The following LAMA5 variants were observed in gnomAD, a reference collection of about 807,000 sequenced individuals.
LAMA5 encodes laminin subunit alpha-5.
Under a neutral mutation model 433.4 loss-of-function variants are expected in LAMA5, and 260 were observed. The ratio of observed to expected loss-of-function variants is 0.60; its 90% confidence interval spans 0.54 to 0.66. LAMA5 has a LOEUF of 0.66. Among genes scored for constraint, LAMA5 ranks in the 30% least tolerant of loss-of-function variants. LAMA5 has a pLI of 0.00. For synonymous variants in LAMA5, 2,620 were observed against 2,226.6 expected, an observed-to-expected ratio of 1.18 and a Z score of -4.97; for missense variants, 5,378 against 5,258.5, an observed-to-expected ratio of 1.02 and a Z score of -0.70.
intron 28 of LAMA5, among the ~76,000 whole-genome samples, chr20:62,331,978 G>A (rs1050656097): frequency 9.9e-5 from 15 of 152,180 alleles, no homozygotes; most frequent in African/African-American, 3.6e-4. Flanking sequence ...CTTGAACCCA[G>A]GAGGTGGAGG....
chr20:62,325,140 C>CG (rs1320607226), intron 41 of LAMA5, 176 bp downstream of exon 41: 38 of 571,658 alleles, frequency 6.6e-5, no homozygotes, highest in Admixed American at 1.3e-4. Flanking sequence ...AGACAGGCAG[C>CG]AGGGGACAGG....
At chr20:62,353,726 C>T (rs540105982) in intron 2 of LAMA5, among the ~76,000 whole-genome samples, 1 of 152,146 alleles carries the variant, frequency 6.6e-6, no homozygotes, top group Admixed American at 6.5e-5. Context: ...TCCAAAGGTC[C>T]AACCCCCTAG....
chr20:62,324,420 G>A lies in LAMA5; in HGVS notation c.5643+21C>T. 1 of 1,577,210 alleles carries A rather than the reference G, an allele frequency of 6.3e-7. No homozygotes were observed. Among genetic ancestry groups the A allele is most frequent in the Non-Finnish European group, 8.7e-7 (1 of 1,150,974 alleles). On this transcript the variant is annotated intron_variant, in intron 42 of 79. Transcript: ENST00000252999. The surrounding 1 kb of genome is among the most constrained non-coding windows in gnomAD (Gnocchi z 4.4). ...GCCTTCAGTGAATGCTGCCCCCCTG[G>A]CCCCACCAGCCCCTACTCACCACAC... is the stretch of plus-strand genomic sequence containing the variant.
intron 45 of LAMA5, among the ~76,000 whole-genome samples, chr20:62,323,034 A>T (rs967040376): frequency 3.1e-5 from 3 of 95,340 alleles, no homozygotes; most frequent in Non-Finnish European, 6.1e-5. Flanking sequence ...TCTAACCATG[A>T]GGGGGGACTG....
chr20:62,321,987 A>G (rs1443573864), intron 48 of LAMA5, 32 bp downstream of exon 48: 1 of 1,585,922 alleles, frequency 6.3e-7, no homozygotes, highest in East Asian at 2.2e-5. Context: ...CTACTCCATC[A>G]GGTGTGGGGA....
rs368150611 is a variant in LAMA5, at chr20:62,333,725, G to A, written c.2879-19C>T. ...GCTGTGCCTGGGCGGGGGCAGGGGTGAGACTCCTGAGCCCAGCCCTTGGGG... is the reference window on the plus strand; with the variant it reads ...GCTGTGCCTGGGCGGGGGCAGGGGTAAGACTCCTGAGCCCAGCCCTTGGGG... On this transcript the variant is annotated intron_variant, in intron 23 of 79. Coordinates refer to ENST00000252999, the MANE Select transcript of LAMA5 (RefSeq NM_005560.6). 15 of 1,563,966 alleles carry A rather than the reference G, an allele frequency of 9.6e-6. No homozygotes were observed. The highest frequency in any genetic ancestry group is 1.7e-4 in the Middle Eastern group (1 of 5,788).
intron 58 of LAMA5, among the ~76,000 whole-genome samples, chr20:62,315,438 G>A (rs1401564848): frequency 6.6e-6 from 1 of 151,992 alleles, no homozygotes. Context: ...GCTGGTCCCT[G>A]GACATGTGCC....
At position 62,329,858 on chromosome 20, in the gene LAMA5, A is replaced by G. The variant is rs769372649; in HGVS notation, c.4038T>C (p.Cys1346=). 4 of 1,612,422 alleles carry G rather than the reference A, an allele frequency of 2.5e-6. No individual in the cohort carries two copies. The South Asian group carries it at 3.3e-5, about 13-fold the overall frequency. ...TCACGTCCAGCAGGGCCTGGCCCTC[A>G]CACACCACCAGGGTGCGGCAGCCGT... ...HGYGCRTLVV[C]EGQALLDVTH... is the part of the protein sequence containing the mutation. The change falls in exon 32 of 80, where the codon TGT becomes TGC. Residue 1346 remains cysteine (C), a synonymous_variant. Coordinates refer to ENST00000252999, the MANE Select transcript of LAMA5 (RefSeq NM_005560.6).
At chr20:62,357,894 C>G (rs1452229999) in intron 2 of LAMA5, among the ~76,000 whole-genome samples, 1 of 152,204 alleles carries the variant, frequency 6.6e-6, no homozygotes, top group African/African-American at 2.4e-5. Flanking sequence ...AGCCCAAGCT[C>G]CAGGCTCCCT....
intron 4 of LAMA5, 61 bp from the exon 5 acceptor site, chr20:62,352,140 C>T (rs974883986): frequency 1.3e-5 from 21 of 1,587,410 alleles, no homozygotes; most frequent in East Asian, 2.3e-5. Flanking sequence ...CTGCCCCTCC[C>T]GGGCCCACCT....
At chr20:62,358,562 C>T (rs1985582169) in intron 2 of LAMA5, among the ~76,000 whole-genome samples, 1 of 152,320 alleles carries the variant, frequency 6.6e-6, no homozygotes, top group Middle Eastern at 3.4e-3. Flanking sequence ...AGCCGGCCAG[C>T]CAGAGAGCAG....
chr20:62,319,937 G>C (rs1601308748), intron 50 of LAMA5, 142 bp from the exon 51 acceptor site: 2 of 553,768 alleles, frequency 3.6e-6, no homozygotes, highest in East Asian at 2.8e-5. Flanking sequence ...CTGATGACTT[G>C]TTATTTATCA....
intron 70 of LAMA5, 32 bp from the exon 71 acceptor site, chr20:62,311,816 T>TTGCCC: frequency 1.8e-5 from 28 of 1,520,948 alleles, no homozygotes; most frequent in Middle Eastern, 2.0e-4. Context: ...GCTCGGTTTT[T>TTGCCC]CCCCACCCTG....
chr20:62,322,628 C>G, intron 46 of LAMA5, 30 bp downstream of exon 46: 1 of 1,348,496 alleles, frequency 7.4e-7, no homozygotes, highest in Non-Finnish European at 1.0e-6. Context: ...AGGCCCCACC[C>G]ACCCAGCCCT....
Position 62,336,476 on chromosome 20 carries a change from G to A in LAMA5, c.2218-31C>T, listed in dbSNP as rs144707681. 9.5e-4 allele frequency: 1,495 copies of A among 1,566,456 alleles called. 2 individuals are homozygous for A. Among genetic ancestry groups the A allele is most frequent in the East Asian group, 6.5e-3 (289 of 44,458 alleles). ...AGAGGACAAGACTGCAGGTCAGAGC[G>A]GGCGCCCTGCTCTCCCACCCACAAA... On this transcript the variant is annotated intron_variant, in intron 17 of 79. Coordinates refer to ENST00000252999, the MANE Select transcript of LAMA5 (RefSeq NM_005560.6).
At chr20:62,333,274 G>C in intron 25 of LAMA5, 31 bp from the exon 26 acceptor site, 1 of 1,576,062 alleles carries the variant, frequency 6.3e-7, no homozygotes, top group Non-Finnish European at 8.6e-7. Context: ...GTCAGCCCCA[G>C]GTCCACCCAG....
chr20:62,318,364 G>GGGAGGGGCGGGGAGGATGAGA, intron 53 of LAMA5, 90 bp downstream of exon 53: 1 of 607,550 alleles, frequency 1.6e-6, no homozygotes, highest in Non-Finnish European at 2.6e-6. Context: ...GGAGGACGAG[G>GGGAGGGGCGGGGAGGATGAGA]GGAGGGGAGG....
rs967471014 is a variant in LAMA5 at position 62,315,072 on chromosome 20, C to T, written c.8003G>A (p.Arg2668Gln). Residue 2668 changes from arginine (R) to glutamine (Q), a missense_variant, in exon 59 of 80, where the codon CGG (arginine) becomes CAG (glutamine). Physicochemically the swap from Arg to Gln is conservative, Grantham distance 43. Coordinates refer to ENST00000252999, the MANE Select transcript of LAMA5 (RefSeq NM_005560.6). ...ERWQGQYEGLRGQDLGQAVLD... is the reference protein window; with the variant it reads ...ERWQGQYEGLQGQDLGQAVLD... ...CACTGCCTGGCCCAGGTCCTGGCCC[C>T]GCAGGCCCTCGTACTGGCCCTGCCA... 4.4e-5 allele frequency: 70 copies of T among 1,601,608 alleles called. No homozygotes were observed. Among genetic ancestry groups the T allele is most frequent in the Non-Finnish European group, 5.2e-5 (61 of 1,179,232 alleles).
At position 62,316,717 on chromosome 20, in the gene LAMA5, A is replaced by G. The variant is rs372739328; in HGVS notation, c.7710T>C (p.Thr2570=). 2.5e-6 allele frequency: 4 copies of G among 1,609,598 alleles called. No homozygotes were observed. The highest frequency in any genetic ancestry group is 1.8e-4 in the Middle Eastern group (1 of 5,682). Residue 2570 remains threonine, a synonymous_variant, in exon 57 of 80, where the codon ACT becomes ACC. Coordinates refer to ENST00000252999, the MANE Select transcript of LAMA5 (RefSeq NM_005560.6). ...CCTGGAGCATGGCCTCTTCTAGTGC[A>G]GTGCTGTTGGCCAGGAGCTGCTGGG... ...DRAQQLLANS[T]ALEEAMLQEQ... is the part of the protein sequence containing the mutation.
Sources: allele counts gnomAD v4.1 joint callset (sites outside exome capture counted in the v4.1 genomes callset), GRCh38; gene constraint gnomAD v4.1.1; non-coding constraint Gnocchi (gnomAD v3.1); transcripts MANE v1.5; gene names NCBI Gene and HGNC (gene_info 2026-07-23, HGNC 2026-07-21).